GFI1B: variants seen among roughly 807,000 people sequenced by gnomAD.
GFI1B encodes zinc finger protein Gfi-1b.
A neutral mutation model predicts 35.3 loss-of-function variants in GFI1B; 20 were observed. The ratio of observed to expected loss-of-function variants is 0.57; its 90% confidence interval spans 0.40 to 0.82. The LOEUF (loss-of-function observed/expected upper bound fraction) is 0.82, where lower values mean the gene tolerates loss of function less well. GFI1B is among the 40% of genes least tolerant of loss of function. The pLI, the probability that GFI1B is intolerant of heterozygous loss-of-function variation, is 0.00. For missense variants in GFI1B, 430 were observed against 446.3 expected, an observed-to-expected ratio of 0.96 and a Z score of 0.33; for synonymous variants, 178 against 177.6, an observed-to-expected ratio of 1.00 and a Z score of -0.02.
intron 1 of GFI1B, among the ~76,000 whole-genome samples, chr9:132,950,249 C>T (rs1848180437): frequency 6.6e-6 from 1 of 152,190 alleles, no homozygotes; most frequent in African/African-American, 2.4e-5. Flanking sequence ...ACCCACATCA[C>T]ACCTGTTCTT....
intron 1 of GFI1B, chr9:132,947,375 G>A (rs7035940): frequency 0.23 from 32,139 of 138,584 alleles, 3,604 homozygotes; most frequent in Middle Eastern, 0.26. Context: ...TTAAAAGAAA[G>A]CTTAAGACAA....
At chr9:132,950,203 G>T (rs1036750856) in intron 1 of GFI1B, among the ~76,000 whole-genome samples, 9 of 152,068 alleles carry the variant, frequency 5.9e-5, no homozygotes, top group Non-Finnish European at 1.3e-4. Flanking sequence ...CACCACCATC[G>T]AGGCTGGAGA....
chr9:132,984,154 C>A (rs907512278), intron 1 of GFI1B, among the ~76,000 whole-genome samples: 1 of 152,188 alleles, frequency 6.6e-6, no homozygotes, highest in East Asian at 1.9e-4. Flanking sequence ...TTTTGATAGG[C>A]AAACCATGAC....
At position 132,978,724 on chromosome 9, in the gene GFI1B, A is replaced by G. The variant is rs558062654; in HGVS notation, c.-138A>G. On this transcript the variant is annotated 5_prime_UTR_variant, in exon 1 of 7. Coordinates refer to ENST00000372122, the MANE Select transcript of GFI1B (RefSeq NM_001377304.1). The stretch of plus-strand genomic sequence containing the variant: ...GAGAGACAGAGCAAAAAGGAGAAGT[A>G]TCTATTTGTGCAAAGAGTCACACAG... The G allele has an allele frequency of 3.9e-5, 6 of 152,418 alleles. No homozygotes were observed. The highest frequency in any genetic ancestry group is 5.9e-5 in the Non-Finnish European group (4 of 68,054). The allele number at this position is 152,418 out of a possible 1,614,324, so 9.4% of individuals were successfully genotyped here. A position where few individuals can be genotyped will look rare whatever the true frequency, so the allele number is the denominator to read the frequency against.
chr9:132,950,055 T>G (rs1466031118), intron 1 of GFI1B, among the ~76,000 whole-genome samples: 1 of 152,142 alleles, frequency 6.6e-6, no homozygotes, highest in Non-Finnish European at 1.5e-5. Context: ...GAACCTGCAG[T>G]GAGCCATGAT....
Position 132,987,436 on chromosome 9 carries a change from C to G in GFI1B, c.238+17C>G. ...CGGCACCAGGTACCCCGCTGTGACC[C>G]ACTGTCATTCCCCAGGGAGTGCCAA... On this transcript the variant is annotated intron_variant, in intron 3 of 6. Transcript: ENST00000372122. The G allele has an allele frequency of 6.2e-7, 1 of 1,614,122 alleles. No homozygotes were observed. The highest frequency in any genetic ancestry group is 8.5e-7 in the Non-Finnish European group (1 of 1,179,922).
downstream of GFI1B, among the ~76,000 whole-genome samples, chr9:132,992,669 G>A (rs1439211749): frequency 3.3e-5 from 5 of 152,088 alleles, no homozygotes; most frequent in Admixed American, 6.6e-5. Context: ...AGCCTCCCTG[G>A]GTCATCCAGC....
chr9:132,957,725 G>A (rs1848302375), intron 1 of GFI1B, among the ~76,000 whole-genome samples: 1 of 152,062 alleles, frequency 6.6e-6, no homozygotes, highest in Admixed American at 6.6e-5. Flanking sequence ...GTGGCAGTTA[G>A]CCAGGAAAAG....
At chr9:132,966,190 C>T (rs1848448070) in intron 1 of GFI1B, among the ~76,000 whole-genome samples, 1 of 152,026 alleles carries the variant, frequency 6.6e-6, no homozygotes, top group Non-Finnish European at 1.5e-5. Context: ...GAGACCCCAT[C>T]TCTACAAGAA....
intron 1 of GFI1B, among the ~76,000 whole-genome samples, chr9:132,982,965 C>G (rs533744546): frequency 3.3e-5 from 5 of 152,216 alleles, no homozygotes; most frequent in Non-Finnish European, 5.9e-5. Flanking sequence ...GTGAAAAGTG[C>G]TTGGCCAGGG....
At chr9:132,970,848 C>G (rs1848523251) in intron 1 of GFI1B, among the ~76,000 whole-genome samples, 1 of 152,054 alleles carries the variant, frequency 6.6e-6, no homozygotes, top group South Asian at 2.1e-4. Flanking sequence ...CGGAAGTCAT[C>G]AAGAGTTTAT....
intron 1 of GFI1B, among the ~76,000 whole-genome samples, chr9:132,950,477 C>T (rs576285687): frequency 1.3e-5 from 2 of 151,380 alleles, no homozygotes; most frequent in African/African-American, 4.9e-5. Flanking sequence ...ATAAGAGGGC[C>T]CTTGAAACCT....
At position 132,988,210 on chromosome 9, in the gene GFI1B, G is replaced by A; in HGVS notation, c.252G>A (p.Val84=). Residue 84 remains valine (V), a synonymous_variant, in exon 4 of 7, where the codon GTG becomes GTA. Coordinates refer to ENST00000372122, the MANE Select transcript of GFI1B (RefSeq NM_001377304.1). ...TTATCTCCACAGAGGGCCCCATTGT[G>A]CTGTCCCGACCCCAGGATGGGGACT... ...RMAPAPEGPI[V]LSRPQDGDSP... is the part of the protein sequence containing the mutation. The A allele has an allele frequency of 6.2e-7, 1 of 1,614,020 alleles. No homozygotes were observed. Among genetic ancestry groups the A allele is most frequent in the Admixed American group, 1.7e-5 (1 of 60,022 alleles).
intron 1 of GFI1B, among the ~76,000 whole-genome samples, chr9:132,984,784 C>T (rs1165953344): frequency 1.3e-5 from 2 of 152,168 alleles, no homozygotes; most frequent in Admixed American, 6.5e-5. Context: ...TGTGCAGAGC[C>T]CCCAGTCCAA....
Position 132,991,386 on chromosome 9 carries a change from C to A in GFI1B, c.*336C>A. 1 of 342,424 alleles carries A rather than the reference C, an allele frequency of 2.9e-6. No individual in the cohort carries two copies. The highest frequency in any genetic ancestry group is 5.6e-6 in the Non-Finnish European group (1 of 179,406). The allele number at this position is 342,424 out of a possible 1,614,324, so 21.2% of individuals were successfully genotyped here. A position where few individuals can be genotyped will look rare whatever the true frequency, so the allele number is the denominator to read the frequency against. ...TGCCAAGAGTAGACCAGAGCTGGGA[C>A]CCACAGACAGAACCTCCACCTGCCT... On this transcript the variant is annotated 3_prime_UTR_variant, in exon 7 of 7. Coordinates refer to ENST00000372122, the MANE Select transcript of GFI1B (RefSeq NM_001377304.1).
rs1848191941 is a variant in GFI1B at position 132,950,892 on chromosome 9, C to A, written c.-701+5223C>A. Among the ~76,000 whole-genome samples, 9 of 152,154 alleles carry A rather than the reference C, an allele frequency of 5.9e-5. No homozygotes were observed. The South Asian group carries it at 1.9e-3, about 32-fold the overall frequency. The stretch of plus-strand genomic sequence containing the variant: ...TTACTCTGTCACCCAGGATTGAGTG[C>A]AGTTGTGCAAACATGGCTCACTGCA... On this transcript the variant is annotated intron_variant, in intron 1 of 10. Coordinates refer to the GFI1B transcript ENST00000339463.
At chr9:132,962,100 ACT>A (rs1848375094) in intron 1 of GFI1B, among the ~76,000 whole-genome samples, 1 of 140,706 alleles carries the variant, frequency 7.1e-6, no homozygotes, top group African/African-American at 2.8e-5. Context: ...ACAACCCTAC[ACT>A]CACACATGTG....
intron 1 of GFI1B, chr9:132,951,778 A>G (rs1334036161): frequency 6.6e-6 from 1 of 151,954 alleles, no homozygotes; most frequent in Non-Finnish European, 1.5e-5. Flanking sequence ...TTATTTTATT[A>G]TTTATTTTTG....
Position 132,988,237 on chromosome 9 carries a change from T to C in GFI1B, c.279T>C (p.Ser93=). 6.2e-7 allele frequency: 1 copy of C among 1,613,886 alleles called. No homozygotes were observed. Among genetic ancestry groups the C allele is most frequent in the Non-Finnish European group, 8.5e-7 (1 of 1,179,760 alleles). ...IVLSRPQDGD[S]PLSDSPPFYK... Reference sequence around the variant, plus strand: ...TGTCCCGACCCCAGGATGGGGACTCTCCACTGTCCGACTCACCCCCATTCT... The same window carrying C: ...TGTCCCGACCCCAGGATGGGGACTCCCCACTGTCCGACTCACCCCCATTCT... The change falls in exon 4 of 7, where the codon TCT becomes TCC. Residue 93 remains serine (S), a synonymous_variant. Transcript: ENST00000372122.
Sources: allele counts gnomAD v4.1 joint callset (sites outside exome capture counted in the v4.1 genomes callset), GRCh38; gene constraint gnomAD v4.1.1; transcripts MANE v1.5; gene names NCBI Gene and HGNC (gene_info 2026-07-23, HGNC 2026-07-21).